NREP: variants seen among roughly 807,000 people sequenced by gnomAD.
The protein encoded by NREP is neuronal regeneration-related protein.
A neutral mutation model predicts 8.6 loss-of-function variants in NREP; 5 were observed. That is an observed-to-expected ratio of 0.58 (90% CI 0.30 to 1.22). The LOEUF is 1.22. Among genes scored for constraint, NREP ranks in the 50% most tolerant of loss-of-function variants. The pLI is 0.07. For missense variants in NREP, 86 were observed against 82.5 expected (o/e 1.04, Z -0.17); for synonymous variants, 27 against 28.0 (o/e 0.96, Z 0.11).
At chr5:111,832,726 G>A (rs1018020635) in intron 2 of NREP, among the ~76,000 whole-genome samples, 1 of 152,172 alleles carries the variant, frequency 6.6e-6, no homozygotes, top group African/African-American at 2.4e-5. Flanking sequence ...ACAGGGGAAG[G>A]TCTCAGCTGC....
At chr5:111,836,480 T>A (rs915170397) in intron 2 of NREP, among the ~76,000 whole-genome samples, 1 of 152,054 alleles carries the variant, frequency 6.6e-6, no homozygotes, top group African/African-American at 2.4e-5. Flanking sequence ...AAAATAAAAT[T>A]GGCAACATTA....
intron 2 of NREP, among the ~76,000 whole-genome samples, chr5:111,800,087 T>C (rs1165117426): frequency 1.4e-5 from 2 of 147,804 alleles, no homozygotes; most frequent in Non-Finnish European, 3.0e-5. Flanking sequence ...GCCAACTACT[T>C]TTTTTTTTTT....
intron 2 of NREP, among the ~76,000 whole-genome samples, chr5:111,873,763 T>C (rs752062166): frequency 3.9e-5 from 6 of 152,222 alleles, no homozygotes; most frequent in Non-Finnish European, 8.8e-5. Context: ...ATCCTTTTTG[T>C]CATGTAATGT....
At chr5:111,782,439 T>A (rs1271076728) in intron 2 of NREP, among the ~76,000 whole-genome samples, 1 of 152,214 alleles carries the variant, frequency 6.6e-6, no homozygotes, top group Non-Finnish European at 1.5e-5. Flanking sequence ...AGAGATGTGA[T>A]CATATATTCT....
At chr5:111,946,652 T>C (rs1755993815) in intron 2 of NREP, among the ~76,000 whole-genome samples, 1 of 151,980 alleles carries the variant, frequency 6.6e-6, no homozygotes, top group Non-Finnish European at 1.5e-5. Flanking sequence ...CAGGGCCTCT[T>C]TTTAAGAGGC....
chr5:111,778,855 C>T (rs1053361096), intron 2 of NREP, among the ~76,000 whole-genome samples: 7 of 152,032 alleles, frequency 4.6e-5, no homozygotes, highest in African/African-American at 1.7e-4. Flanking sequence ...CAACAGCATA[C>T]GATGATTTTT....
chr5:111,976,451 C>T (rs187673389), intron 1 of NREP, among the ~76,000 whole-genome samples: 1 of 152,204 alleles, frequency 6.6e-6, no homozygotes. Context: ...GAAGCAGGAA[C>T]CTCCTCTGAC....
chr5:111,921,136 C>T (rs1361088546), intron 2 of NREP, among the ~76,000 whole-genome samples: 2 of 152,150 alleles, frequency 1.3e-5, no homozygotes, highest in Admixed American at 1.3e-4. Flanking sequence ...CCTAGTTGAT[C>T]TACCTCTCCT....
chr5:111,802,393 G>A (rs573471663), intron 2 of NREP, among the ~76,000 whole-genome samples: 12 of 152,280 alleles, frequency 7.9e-5, no homozygotes, highest in African/African-American at 2.6e-4. Flanking sequence ...GACTTTTAGG[G>A]TGAAGCCTAG....
chr5:111,901,755 G>A (rs1309980999), intron 2 of NREP, among the ~76,000 whole-genome samples: 1 of 151,984 alleles, frequency 6.6e-6, no homozygotes, highest in African/African-American at 2.4e-5. Context: ...CCAAGAAAGT[G>A]AAAACCTCAA....
Position 111,955,919 on chromosome 5 carries a change from AC to A in NREP, c.135+19354del, listed in dbSNP as rs1471535635. ...TGTAGTGAAAAAAAAAAAAACAAAAACGTTGGGCTTCCTGTTTAAGAACAGG... is the reference window on the plus strand; with the variant it reads ...TGTAGTGAAAAAAAAAAAAACAAAAAGTTGGGCTTCCTGTTTAAGAACAGG... On this transcript the variant is annotated intron_variant, in intron 2 of 3. Transcript: ENST00000395634. Among the ~76,000 whole-genome samples the A allele has an allele frequency of 1.7e-4, 25 of 151,072 alleles. No individual in the cohort carries two copies. The South Asian group carries it at 2.9e-3, about 18-fold the overall frequency.
At chr5:111,878,113 G>T (rs1160741378) in intron 2 of NREP, among the ~76,000 whole-genome samples, 1 of 152,184 alleles carries the variant, frequency 6.6e-6, no homozygotes, top group Non-Finnish European at 1.5e-5. Context: ...CCTGGTGAAG[G>T]CCTTTACCAA....
intron 2 of NREP, among the ~76,000 whole-genome samples, chr5:111,889,889 G>T (rs1754353407): frequency 6.6e-6 from 1 of 152,072 alleles, no homozygotes; most frequent in African/African-American, 2.4e-5. Flanking sequence ...AGGGGTGGGG[G>T]TTACAAGGTG....
At chr5:111,764,283 A>G (rs1263904075) in intron 2 of NREP, among the ~76,000 whole-genome samples, 2 of 152,160 alleles carry the variant, frequency 1.3e-5, no homozygotes, top group African/African-American at 4.8e-5. Flanking sequence ...GGTTGGCCCA[A>G]AAAGAAAGGG....
rs573020102 is a variant in NREP, at chr5:111,786,234, C to A, written c.136-50727G>T. 3.3e-5 allele frequency among the ~76,000 whole-genome samples: 5 copies of A among 152,298 alleles called. No individual in the cohort carries two copies. The East Asian group carries it at 9.7e-4, about 29-fold the overall frequency. On this transcript the variant is annotated intron_variant, in intron 2 of 3. Transcript: ENST00000395634. ...CCCACTTTGTGCCTCACTCATCTCC[C>A]TTTTGCCGCCTTGTGAAGAAGGTGC...
chr5:111,930,425 G>T (rs903314164), intron 2 of NREP, among the ~76,000 whole-genome samples: 1 of 152,074 alleles, frequency 6.6e-6, no homozygotes, highest in Admixed American at 6.6e-5. Context: ...TATCAACACT[G>T]GATATTGTTA....
intron 2 of NREP, among the ~76,000 whole-genome samples, chr5:111,830,968 CATAA>C (rs1448821727): frequency 1.4e-4 from 21 of 152,146 alleles, no homozygotes; most frequent in African/African-American, 4.8e-4. Context: ...TTCCCTGTTC[CATAA>C]GTGATGGAAG....
chr5:111,929,831 A>G (rs1755488283), intron 2 of NREP, among the ~76,000 whole-genome samples: 1 of 152,182 alleles, frequency 6.6e-6, no homozygotes, highest in Non-Finnish European at 1.5e-5. Context: ...TGATTAAGTG[A>G]TTGAATGGAT....
intron 2 of NREP, among the ~76,000 whole-genome samples, chr5:111,939,335 C>G (rs545340537): frequency 3.3e-5 from 5 of 152,052 alleles, no homozygotes; most frequent in Non-Finnish European, 7.4e-5. Context: ...ATACAAGGAG[C>G]TATCATTTCT....
Sources: allele counts gnomAD v4.1 joint callset (sites outside exome capture counted in the v4.1 genomes callset), GRCh38; gene constraint gnomAD v4.1.1; transcripts MANE v1.5; gene names NCBI Gene and HGNC (gene_info 2026-07-23, HGNC 2026-07-21).